The following KPNA4 variants were observed in gnomAD, a reference collection of about 807,000 sequenced individuals.
KPNA4 encodes importin subunit alpha-3.
In KPNA4, 13 loss-of-function variants were observed where a neutral mutation model predicts 71.3. The observed-to-expected ratio is 0.18, with a 90% CI of 0.12 to 0.29. The LOEUF (loss-of-function observed/expected upper bound fraction) is 0.29. Among genes scored for constraint, KPNA4 ranks in the 10% least tolerant of loss-of-function variants. The pLI is 1.00. For missense variants in KPNA4, 334 were observed against 603.2 expected (o/e 0.55, Z 4.67); for synonymous variants, 189 against 195.2 (o/e 0.97, Z 0.26).
At chr3:160,555,640 T>C (rs977721850) in intron 1 of KPNA4, among the ~76,000 whole-genome samples, 3 of 152,162 alleles carry the variant, frequency 2.0e-5, no homozygotes, top group Non-Finnish European at 4.4e-5. Flanking sequence ...TCTTGTTGTA[T>C]CACATATTCA....
At chr3:160,515,697 C>T (rs938796917) in intron 11 of KPNA4, 117 bp from the exon 12 acceptor site, 3 of 1,139,566 alleles carry the variant, frequency 2.6e-6, no homozygotes, top group Non-Finnish European at 3.7e-6. Flanking sequence ...TCACTGTAAC[C>T]TCTGCCTCTC....
intron 1 of KPNA4, among the ~76,000 whole-genome samples, chr3:160,540,645 T>C (rs1447812576): frequency 6.6e-6 from 1 of 152,248 alleles, no homozygotes; most frequent in East Asian, 1.9e-4. Flanking sequence ...CTTCTAAGCC[T>C]GTCCTTAAAG....
chr3:160,511,873 ATAAG>A (rs1388402248), intron 13 of KPNA4, among the ~76,000 whole-genome samples: 1 of 151,946 alleles, frequency 6.6e-6, no homozygotes, highest in East Asian at 1.9e-4. Flanking sequence ...TGTAAGAAAA[ATAAG>A]TAATTATGCT....
chr3:160,562,247 C>A (rs1049163120), intron 1 of KPNA4, among the ~76,000 whole-genome samples: 1 of 151,964 alleles, frequency 6.6e-6, no homozygotes, highest in Admixed American at 6.5e-5. Context: ...GGATTTTGAA[C>A]GTATGAAAGG....
At chr3:160,551,941 G>GGGT (rs1553788365) in intron 1 of KPNA4, among the ~76,000 whole-genome samples, 1 of 89,552 alleles carries the variant, frequency 1.1e-5, no homozygotes, top group Non-Finnish European at 2.0e-5. Context: ...GTCACAACTG[G>GGGT]GGGGGGGGGG....
chr3:160,504,848 T>C (rs1720952498), intron 16 of KPNA4, 110 bp downstream of exon 16: 3 of 420,162 alleles, frequency 7.1e-6, no homozygotes. Flanking sequence ...TCTATTTTAA[T>C]TCCATTCCAA....
intron 1 of KPNA4, among the ~76,000 whole-genome samples, chr3:160,542,678 G>C (rs189887689): frequency 3.3e-5 from 5 of 152,256 alleles, no homozygotes; most frequent in Admixed American, 3.3e-4. Context: ...AGTTCTACTA[G>C]TGATGGGCAA....
intron 1 of KPNA4, among the ~76,000 whole-genome samples, chr3:160,564,917 G>A (rs1432058418): frequency 6.8e-6 from 1 of 146,654 alleles, no homozygotes; most frequent in South Asian, 2.1e-4. Context: ...CGCACGCGCC[G>A]CGCCCGGCCT....
At chr3:160,553,240 C>T (rs1452638639) in intron 1 of KPNA4, among the ~76,000 whole-genome samples, 1 of 152,166 alleles carries the variant, frequency 6.6e-6, no homozygotes, top group Non-Finnish European at 1.5e-5. Context: ...TGATGTTACA[C>T]TTCTCATGTG....
chr3:160,525,844 T>C lies in KPNA4; in HGVS notation c.727A>G (p.Ile243Val). 6.4e-7 allele frequency: 1 copy of C among 1,566,290 alleles called. No individual in the cohort carries two copies. Among genetic ancestry groups the C allele is most frequent in the Non-Finnish European group, 8.6e-7 (1 of 1,156,908 alleles). ...PPPPMETIQE[I>V]LPALCVLIHH... is the part of the protein sequence containing the mutation. Reference sequence around the variant, plus strand: ...ATTAAAACACAAAGGGCTGGAAGAATCTGAGGAGAGAAATATGTAGATTTA... The same window carrying C: ...ATTAAAACACAAAGGGCTGGAAGAACCTGAGGAGAGAAATATGTAGATTTA... Residue 243 changes from isoleucine to valine, a missense_variant and splice_region_variant, in exon 10 of 17, where the codon ATT becomes GTT. Physicochemically the swap from Ile to Val is conservative, Grantham distance 29. Coordinates refer to ENST00000334256, the MANE Select transcript of KPNA4 (RefSeq NM_002268.5).
In KPNA4 at chr3:160,565,364, C is replaced by A; in HGVS notation, c.-82G>T. 1 of 1,187,364 alleles carries A rather than the reference C, an allele frequency of 8.4e-7. No individual in the cohort carries two copies. The highest frequency in any genetic ancestry group is 1.2e-6 in the Non-Finnish European group (1 of 824,858). 73.6% of individuals were successfully genotyped at this position (1,187,364 alleles called of 1,614,324 possible). A position where few individuals can be genotyped will look rare whatever the true frequency, so the allele number is the denominator to read the frequency against. On this transcript the variant is annotated 5_prime_UTR_variant, in exon 1 of 17. Transcript: ENST00000334256. Reference sequence around the variant, plus strand: ...CGCGCCGCACCGACACTCCCAGGAACCGGGCCGCCGCCTGAGCTGCTGTGC... The same window carrying A: ...CGCGCCGCACCGACACTCCCAGGAAACGGGCCGCCGCCTGAGCTGCTGTGC...
At chr3:160,519,143 T>A (rs1283917290) in intron 11 of KPNA4, among the ~76,000 whole-genome samples, 1 of 152,212 alleles carries the variant, frequency 6.6e-6, no homozygotes, top group Admixed American at 6.5e-5. Flanking sequence ...AGGGATTGTG[T>A]TTAATCTGTA....
intron 9 of KPNA4, 23 bp downstream of exon 9, chr3:160,525,914 TA>T: frequency 6.5e-7 from 1 of 1,541,796 alleles, no homozygotes; most frequent in Non-Finnish European, 8.7e-7. Flanking sequence ...GTATCTCTTT[TA>T]ATTTTTTTTT....
At chr3:160,565,188 C>G in intron 1 of KPNA4, 26 bp downstream of exon 1, 2 of 1,586,204 alleles carry the variant, frequency 1.3e-6, no homozygotes, top group Non-Finnish European at 1.7e-6. Flanking sequence ...CAGCCCCCAC[C>G]CCTCCGGCGT....
Position 160,501,181 on chromosome 3 carries a change from C to T in KPNA4, c.*923G>A, listed in dbSNP as rs981675958. The stretch of plus-strand genomic sequence containing the variant: ...ATGGAAAGCTTTTCATAGCATCAAA[C>T]ATTCATCTGGTGCAAATGCACAGGG... On this transcript the variant is annotated 3_prime_UTR_variant, in exon 17 of 17. Coordinates refer to ENST00000334256, the MANE Select transcript of KPNA4 (RefSeq NM_002268.5). The T allele has an allele frequency of 6.6e-6, 1 of 151,474 alleles. No individual in the cohort carries two copies. Among genetic ancestry groups the T allele is most frequent in the African/African-American group, 2.4e-5 (1 of 40,982 alleles). 9.4% of individuals were successfully genotyped at this position (151,474 alleles called of 1,614,324 possible). A position where few individuals can be genotyped will look rare whatever the true frequency, so the allele number is the denominator to read the frequency against.
intron 12 of KPNA4, chr3:160,515,220 C>T (rs1314012110): frequency 3.4e-6 from 2 of 593,174 alleles, no homozygotes; most frequent in East Asian, 7.9e-5. Flanking sequence ...CCAATTATCT[C>T]TATTTCATCA....
intron 1 of KPNA4, among the ~76,000 whole-genome samples, chr3:160,546,335 T>G (rs745809211): frequency 1.3e-5 from 2 of 152,088 alleles, no homozygotes. Flanking sequence ...CTGGGCAACA[T>G]GGCGAAACCC....
chr3:160,538,652 A>T (rs1042462491), intron 1 of KPNA4, among the ~76,000 whole-genome samples: 82 of 152,294 alleles, frequency 5.4e-4, no homozygotes, highest in African/African-American at 1.8e-3. Context: ...CAGTCTTTAC[A>T]GTGGCTTACG....
At chr3:160,550,750 C>T (rs1053846301) in intron 1 of KPNA4, among the ~76,000 whole-genome samples, 1 of 152,134 alleles carries the variant, frequency 6.6e-6, no homozygotes, top group Non-Finnish European at 1.5e-5. Flanking sequence ...TGAACTTTTC[C>T]TCCATCAACT....
Sources: gnomAD v4.1 joint callset for allele counts (sites outside exome capture counted in the v4.1 genomes callset) on GRCh38, gnomAD v4.1.1 for gene constraint, MANE v1.5 for transcripts, NCBI Gene and HGNC (gene_info 2026-07-23, HGNC 2026-07-21) for gene names.